Variants in NIPA1 observed in about 807,000 individuals in gnomAD.
The protein encoded by NIPA1 is magnesium transporter NIPA1.
Under a neutral mutation model 23.9 loss-of-function variants are expected in NIPA1, and 13 were observed. The ratio of observed to expected loss-of-function variants is 0.54; its 90% CI spans 0.35 to 0.87. NIPA1 has a LOEUF of 0.87. NIPA1 is among the 40% of genes least tolerant of loss of function. NIPA1 has a pLI of 0.01. For synonymous variants in NIPA1, 234 were observed against 202.9 expected (o/e 1.15, Z -1.30); for missense variants, 362 against 429.7 (o/e 0.84, Z 1.39).
chr15:22,810,906 G>T, intron 2 of NIPA1, 110 bp downstream of exon 2: 2 of 859,218 alleles, frequency 2.3e-6, no homozygotes, highest in South Asian at 1.3e-5. Flanking sequence ...TTGGAAGAGG[G>T]TGTCGCGTGG....
intron 1 of NIPA1, among the ~76,000 whole-genome samples, chr15:22,798,851 A>AAC (rs1555372418): frequency 6.6e-5 from 10 of 151,342 alleles, no homozygotes; most frequent in African/African-American, 2.4e-4. Flanking sequence ...AAAAAAAAAA[A>AAC]AAAAAAAAAA....
chr15:22,817,318 G>A (rs1189356234), intron 3 of NIPA1, among the ~76,000 whole-genome samples: 1 of 149,422 alleles, frequency 6.7e-6, no homozygotes, highest in Admixed American at 6.7e-5. Flanking sequence ...TGACCAACGT[G>A]GTGAAACCCC....
At chr15:22,802,384 T>A (rs549295245) in intron 1 of NIPA1, among the ~76,000 whole-genome samples, 27 of 110,074 alleles carry the variant, frequency 2.5e-4, no homozygotes, top group African/African-American at 1.1e-3. Context: ...AGAGTGAGAC[T>A]CTGTCTCAAA....
At chr15:22,789,707 C>T (rs970164332) in intron 1 of NIPA1, among the ~76,000 whole-genome samples, 5 of 152,142 alleles carry the variant, frequency 3.3e-5, no homozygotes, top group African/African-American at 1.2e-4. Flanking sequence ...TGTGGGACTG[C>T]AACAACCTCA....
intron 1 of NIPA1, among the ~76,000 whole-genome samples, chr15:22,787,274 G>A (rs1862448327): frequency 6.6e-6 from 1 of 152,132 alleles, no homozygotes; most frequent in African/African-American, 2.4e-5. Flanking sequence ...CCGCCTGGAA[G>A]CGCCGCTTCA....
At chr15:22,790,272 A>G (rs7183268) in intron 1 of NIPA1, among the ~76,000 whole-genome samples, 38,187 of 152,022 alleles carry the variant, frequency 0.25, 6,097 homozygotes, top group Non-Finnish European at 0.36. Flanking sequence ...AGATAGACAT[A>G]GAGTCTTGTT....
intron 1 of NIPA1, among the ~76,000 whole-genome samples, chr15:22,796,025 G>A (rs1894932412): frequency 6.6e-6 from 1 of 151,902 alleles, no homozygotes; most frequent in Admixed American, 6.6e-5. Flanking sequence ...TCGACCTCCT[G>A]GGCTCAAGTG....
chr15:22,796,823 C>T (rs4778537), intron 1 of NIPA1, among the ~76,000 whole-genome samples: 111,718 of 152,056 alleles, frequency 0.73, 42,548 homozygotes, highest in African/African-American at 0.93. Context: ...TTGCCTGACT[C>T]GTGCCCAGCC....
At chr15:22,809,105 G>T (rs991108027) in intron 1 of NIPA1, among the ~76,000 whole-genome samples, 2 of 152,268 alleles carry the variant, frequency 1.3e-5, no homozygotes, top group African/African-American at 4.8e-5. Context: ...TAGTTACTGT[G>T]GCTGGGCACG....
In NIPA1 at chr15:22,824,243, G is replaced by C; in HGVS notation, c.*4G>C. 1 of 1,611,686 alleles carries C rather than the reference G, an allele frequency of 6.2e-7. No homozygotes were observed. Among genetic ancestry groups the C allele is most frequent in the Admixed American group, 1.7e-5 (1 of 60,024 alleles). ...ATCTAATATGAAAACAGACTAGATT[G>C]CAATAGGAGCTTGGATGGTTCGAGG... On this transcript the variant is annotated 3_prime_UTR_variant, in exon 5 of 5. Coordinates refer to ENST00000337435, the MANE Select transcript of NIPA1 (RefSeq NM_144599.5). This position sits in a 1 kb window ranked among gnomAD's most constrained non-coding sequence, Gnocchi z 4.1.
At chr15:22,808,864 C>CT (rs1895265804) in intron 1 of NIPA1, among the ~76,000 whole-genome samples, 1 of 151,874 alleles carries the variant, frequency 6.6e-6, no homozygotes, top group East Asian at 1.9e-4. Context: ...GAGATAGAGT[C>CT]TTGCTATGTT....
rs985840721 is a variant in NIPA1, at chr15:22,828,101, G to C, written c.*3862G>C. 2.0e-5 allele frequency: 3 copies of C among 152,592 alleles called. No homozygotes were observed. Among genetic ancestry groups the C allele is most frequent in the Non-Finnish European group, 4.4e-5 (3 of 68,038 alleles). The allele number at this position is 152,592 out of a possible 1,614,324, so 9.5% of individuals were successfully genotyped here. On this transcript the variant is annotated 3_prime_UTR_variant, in exon 5 of 5. Transcript: ENST00000337435. ...GGATTAGCTTCCGTGTTCTGAAGTT[G>C]TTCTTTTCATGGTGTCTGACACCGA...
At chr15:22,805,710 C>A (rs1566782204) in intron 1 of NIPA1, among the ~76,000 whole-genome samples, 1 of 151,984 alleles carries the variant, frequency 6.6e-6, no homozygotes, top group Non-Finnish European at 1.5e-5. Context: ...AAAGAAAAAT[C>A]TGTAAAAACT....
At chr15:22,795,982 AGT>A (rs1355829831) in intron 1 of NIPA1, among the ~76,000 whole-genome samples, 2 of 151,992 alleles carry the variant, frequency 1.3e-5, no homozygotes, top group Non-Finnish European at 2.9e-5. Context: ...CCCAGGCTGG[AGT>A]ACATTGGCGT....
intron 3 of NIPA1, among the ~76,000 whole-genome samples, chr15:22,816,069 A>T (rs960805579): frequency 6.6e-6 from 1 of 151,860 alleles, no homozygotes; most frequent in African/African-American, 2.4e-5. Flanking sequence ...TCTATTCATC[A>T]TTGTACTGGA....
At chr15:22,792,917 G>A (rs1028974734) in intron 1 of NIPA1, among the ~76,000 whole-genome samples, 3 of 152,050 alleles carry the variant, frequency 2.0e-5, no homozygotes, top group Admixed American at 6.6e-5. Flanking sequence ...TTGCGCCATT[G>A]CGCTCCAGCC....
At chr15:22,805,202 C>CAA (rs1467923040) in intron 1 of NIPA1, among the ~76,000 whole-genome samples, 1 of 152,062 alleles carries the variant, frequency 6.6e-6, no homozygotes, top group Non-Finnish European at 1.5e-5. Context: ...CCATAATTGC[C>CAA]AAACTATTTC....
chr15:22,806,373 T>C (rs1047726276), intron 1 of NIPA1, among the ~76,000 whole-genome samples: 26 of 152,342 alleles, frequency 1.7e-4, no homozygotes, highest in African/African-American at 5.5e-4. Flanking sequence ...CTTTGTTTTA[T>C]AGTTTAGCTG....
chr15:22,790,206 C>G (rs985488526), intron 1 of NIPA1, among the ~76,000 whole-genome samples: 1 of 152,120 alleles, frequency 6.6e-6, no homozygotes, highest in Non-Finnish European at 1.5e-5. Flanking sequence ...TCATACTTCC[C>G]CAGTGACCAC....
Sources: allele counts gnomAD v4.1 joint callset (sites outside exome capture counted in the v4.1 genomes callset), GRCh38; gene constraint gnomAD v4.1.1; non-coding constraint Gnocchi (gnomAD v3.1); transcripts MANE v1.5; gene names NCBI Gene and HGNC (gene_info 2026-07-23, HGNC 2026-07-21).